COG2: variants seen among roughly 807,000 people sequenced by gnomAD.
The protein encoded by COG2 is conserved oligomeric Golgi complex subunit 2.
In COG2, 52 loss-of-function variants were observed where a neutral mutation model predicts 90.6. That is an observed-to-expected ratio of 0.57 (90% CI 0.46 to 0.72). The LOEUF is 0.72. Among genes scored for constraint, COG2 ranks in the 30% least tolerant of loss-of-function variants. The probability of loss-of-function intolerance (pLI) is 0.00; values close to 1 mark genes in which losing one functional copy is unlikely to be tolerated. For missense variants in COG2, 829 were observed against 891.2 expected, an observed-to-expected ratio of 0.93 and a Z score of 0.89; for synonymous variants, 337 against 320.4, an observed-to-expected ratio of 1.05 and a Z score of -0.55.
At chr1:230,693,265 C>T (rs768720620) in intron 17 of COG2, 27 bp from the exon 18 acceptor site, 80 of 1,361,722 alleles carry the variant, frequency 5.9e-5, no homozygotes, top group Non-Finnish European at 7.7e-5. Context: ...ATTGCAGTAA[C>T]ATAATTCATT....
chr1:230,657,640 G>A (rs1183394373), intron 1 of COG2, among the ~76,000 whole-genome samples: 4 of 152,114 alleles, frequency 2.6e-5, no homozygotes, highest in Non-Finnish European at 4.4e-5. Context: ...AAGTTCTCCC[G>A]GATAACATTC....
chr1:230,690,698 C>T (rs1235466742), intron 16 of COG2, among the ~76,000 whole-genome samples: 1 of 152,062 alleles, frequency 6.6e-6, no homozygotes, highest in Non-Finnish European at 1.5e-5. Context: ...AATTTTGTTA[C>T]CAATTTTGTT....
intron 9 of COG2, 143 bp downstream of exon 9, chr1:230,675,267 C>G (rs1397777686): frequency 1.2e-6 from 1 of 845,348 alleles, no homozygotes; most frequent in South Asian, 2.9e-5. Context: ...AACCTTAAAA[C>G]ACACACATCG....
intron 10 of COG2, 72 bp downstream of exon 10, chr1:230,679,124 G>C: frequency 2.8e-6 from 4 of 1,429,000 alleles, no homozygotes; most frequent in Non-Finnish European, 9.5e-7. Flanking sequence ...TAAGGATGTT[G>C]CCTCAGTTAG....
rs756697400 is a variant in COG2, at chr1:230,663,209, T to C, written c.369T>C (p.Ile123=). The C allele has an allele frequency of 1.9e-6, 3 of 1,608,728 alleles. No individual in the cohort carries two copies. The South Asian group carries it at 3.3e-5, about 18-fold the overall frequency. ...AACGAATGTCTAAACAAGAGGACAT[T>C]AGGAAAAAAAAGGTATACTCAAATA... ...VDERMSKQED[I]RKKKMCVLRL... Residue 123 remains isoleucine, a synonymous_variant, in exon 4 of 18, where the codon ATT becomes ATC. Transcript: ENST00000366669.
In COG2 at chr1:230,691,514, G is replaced by A. The variant is rs779134446; in HGVS notation, c.2065G>A (p.Asp689Asn). The change falls in exon 17 of 18, where the codon GAC becomes AAC. Residue 689 changes from aspartate to asparagine, a missense_variant. Physicochemically the swap from Asp to Asn is conservative, Grantham distance 23 (BLOSUM62 1). Coordinates refer to ENST00000366669, the MANE Select transcript of COG2 (RefSeq NM_007357.3). ...VGPSGGMSDD[D>N]KIRLQLALDV... is the part of the protein sequence containing the mutation. ...TCCCAGTGGTGGCATGAGCGACGAC[G>A]ACAAAATCAGGCTGCAGTTGGCCCT... The A allele has an allele frequency of 4.3e-6, 7 of 1,614,104 alleles. No individual in the cohort carries two copies. The highest frequency in any genetic ancestry group is 1.7e-4 in the Middle Eastern group (1 of 6,058).
At chr1:230,684,041 C>G (rs1022965641) in intron 11 of COG2, among the ~76,000 whole-genome samples, 1 of 152,104 alleles carries the variant, frequency 6.6e-6, no homozygotes, top group African/African-American at 2.4e-5. Context: ...TTCACCCCCC[C>G]TTGGCCTTCC....
chr1:230,669,201 TG>T (rs1369122502), intron 6 of COG2, 154 bp from the exon 7 acceptor site: 1 of 593,690 alleles, frequency 1.7e-6, no homozygotes, highest in Non-Finnish European at 2.9e-6. Context: ...GTGATTGGAG[TG>T]AGGGGTTCAT....
In COG2 at chr1:230,678,884, A is replaced by G. The variant is rs138816611; in HGVS notation, c.1027-29A>G. The G allele has an allele frequency of 4.7e-4, 752 of 1,602,496 alleles. 7 individuals are homozygous for G. The African/African-American group carries it at 9.3e-3, about 20-fold the overall frequency. On this transcript the variant is annotated intron_variant, in intron 9 of 17. Coordinates refer to ENST00000366669, the MANE Select transcript of COG2 (RefSeq NM_007357.3). ...CCCTGTTCTAGTTAGTGTTCTAATA[A>G]TGAAAATTTTCCTTTTGTTTTATTT...
At chr1:230,671,664 A>G in intron 8 of COG2, 24 bp downstream of exon 8, 1 of 1,608,356 alleles carries the variant, frequency 6.2e-7, no homozygotes, top group African/African-American at 1.3e-5. Flanking sequence ...CCCTGTGTGG[A>G]CCCCCACCTC....
intron 1 of COG2, among the ~76,000 whole-genome samples, chr1:230,658,153 G>A (rs997389261): frequency 5.9e-5 from 9 of 152,076 alleles, no homozygotes; most frequent in Non-Finnish European, 1.3e-4. Flanking sequence ...AGGCCTTCTG[G>A]TTTTTGGAAT....
At chr1:230,645,375 A>C (rs1029568579) in intron 1 of COG2, among the ~76,000 whole-genome samples, 6 of 152,178 alleles carry the variant, frequency 3.9e-5, no homozygotes, top group Non-Finnish European at 8.8e-5. Context: ...CACTTAACCT[A>C]GGTATGCTGT....
rs1331034303 is a variant in COG2, at chr1:230,693,958, T to G, written c.*565T>G. 2 of 150,716 alleles carry G rather than the reference T, an allele frequency of 1.3e-5. No individual in the cohort carries two copies. The highest frequency in any genetic ancestry group is 4.9e-5 in the African/African-American group (2 of 41,036). 9.3% of individuals were successfully genotyped at this position (150,716 alleles called of 1,614,324 possible). A position where few individuals can be genotyped will look rare whatever the true frequency, so the allele number is the denominator to read the frequency against. ...CCGGCGCCAGTAGGAAAGACCTCCT[T>G]CCTAAATAAAAGAAGTGTCTCCCAT... On this transcript the variant is annotated 3_prime_UTR_variant, in exon 18 of 18. Coordinates refer to ENST00000366669, the MANE Select transcript of COG2 (RefSeq NM_007357.3).
At chr1:230,649,717 CTTAT>C (rs776777599) in intron 1 of COG2, among the ~76,000 whole-genome samples, 8 of 151,756 alleles carry the variant, frequency 5.3e-5, no homozygotes, top group South Asian at 2.1e-4. Context: ...TCTTTTGTTA[CTTAT>C]TTATTTTATT....
chr1:230,678,236 G>A (rs564884339), intron 9 of COG2: 25 of 985,334 alleles, frequency 2.5e-5, no homozygotes, highest in South Asian at 1.4e-4. Flanking sequence ...TTCCTCTACC[G>A]CCTGGCTTGT....
At position 230,650,591 on chromosome 1, in the gene COG2, C is replaced by T. The variant is rs113572139; in HGVS notation, c.72+7913C>T. Among the ~76,000 whole-genome samples the T allele has an allele frequency of 3.4e-3, 511 of 152,098 alleles. 2 individuals carry two copies. The highest frequency in any genetic ancestry group is 5.7e-3 in the Non-Finnish European group (386 of 67,972). On this transcript the variant is annotated intron_variant, in intron 1 of 17. Coordinates refer to ENST00000366669, the MANE Select transcript of COG2 (RefSeq NM_007357.3). ...GTTGATTTAAGTTCCTTGTAGACTCCGGATATTAGTCTTTTGTTGCATGTA... is the reference window on the plus strand; with the variant it reads ...GTTGATTTAAGTTCCTTGTAGACTCTGGATATTAGTCTTTTGTTGCATGTA...
intron 1 of COG2, among the ~76,000 whole-genome samples, chr1:230,654,740 T>C (rs1428704220): frequency 6.6e-6 from 1 of 152,216 alleles, no homozygotes; most frequent in African/African-American, 2.4e-5. Context: ...ATGGAATGTT[T>C]TTCCATTTGT....
chr1:230,676,104 G>T (rs1662585242), intron 9 of COG2, among the ~76,000 whole-genome samples: 1 of 152,052 alleles, frequency 6.6e-6, no homozygotes, highest in African/African-American at 2.4e-5. Flanking sequence ...TTCTTCCCTG[G>T]ATTTCAGTTT....
chr1:230,667,079 C>T (rs544247775), intron 5 of COG2, among the ~76,000 whole-genome samples: 1 of 152,304 alleles, frequency 6.6e-6, no homozygotes, highest in East Asian at 1.9e-4. Flanking sequence ...CGGGTCATCC[C>T]CTAGACAACT....
Sources: gnomAD v4.1 joint callset for allele counts (sites outside exome capture counted in the v4.1 genomes callset) on GRCh38, gnomAD v4.1.1 for gene constraint, MANE v1.5 for transcripts, NCBI Gene and HGNC (gene_info 2026-07-23, HGNC 2026-07-21) for gene names.